SCAF4: variants seen among roughly 807,000 people sequenced by gnomAD.
The protein encoded by SCAF4 is SR-related CTD associated factor 4.
Under a neutral mutation model 129.8 loss-of-function variants are expected in SCAF4, and 25 were observed. The ratio of observed to expected loss-of-function variants is 0.19; its 90% confidence interval spans 0.14 to 0.27. SCAF4 has a LOEUF of 0.27. Ranked by LOEUF, SCAF4 falls within the 10% of genes least tolerant of loss-of-function variation. The pLI, the probability that SCAF4 is intolerant of heterozygous loss-of-function variation, is 1.00. For missense variants in SCAF4, 1,246 were observed against 1,457.1 expected (o/e 0.86, Z 2.36); for synonymous variants, 551 against 497.7 (o/e 1.11, Z -1.43).
At chr21:31,717,842 TAC>T (rs66498283) in intron 1 of SCAF4, among the ~76,000 whole-genome samples, 4,810 of 114,254 alleles carry the variant, frequency 0.042, 129 homozygotes, top group Middle Eastern at 0.085. Context: ...TATATATATA[TAC>T]ACACACACAC....
At chr21:31,708,185 C>T (rs936645889) in intron 1 of SCAF4, among the ~76,000 whole-genome samples, 1 of 151,878 alleles carries the variant, frequency 6.6e-6, no homozygotes, top group African/African-American at 2.4e-5. Context: ...GTCAGGAGTT[C>T]GAGACCAGCC....
chr21:31,671,325 T>C lies in SCAF4; in HGVS notation c.*74A>G. ...GGCTGCAGTACAGCGGGAGCGGATA[T>C]AATACAGCATCTGTACACCTCAAGC... is the stretch of plus-strand genomic sequence containing the variant. On this transcript the variant is annotated 3_prime_UTR_variant, in exon 20 of 20. Coordinates refer to ENST00000286835, the MANE Select transcript of SCAF4 (RefSeq NM_020706.2). 2 of 1,527,898 alleles carry C rather than the reference T, an allele frequency of 1.3e-6. No homozygotes were observed. Among genetic ancestry groups the C allele is most frequent in the South Asian group, 1.3e-5 (1 of 76,554 alleles). The allele number at this position is 1,527,898 out of a possible 1,614,324, so 94.6% of individuals were successfully genotyped here.
intron 1 of SCAF4, among the ~76,000 whole-genome samples, chr21:31,718,265 C>T (rs1026179272): frequency 6.6e-6 from 1 of 151,220 alleles, no homozygotes; most frequent in African/African-American, 2.4e-5. Flanking sequence ...TTCAACATCT[C>T]TTCATTAAAG....
Position 31,696,472 on chromosome 21 carries a change from T to A in SCAF4, c.959+97A>T, listed in dbSNP as rs1193582484. On this transcript the variant is annotated intron_variant, in intron 8 of 19. Transcript: ENST00000286835. ...ATACCACAAATTTTACAAAACAACT[T>A]CATAGAACATTGTTGTCATTGCTAA... 4 of 1,204,036 alleles carry A rather than the reference T, an allele frequency of 3.3e-6. No homozygotes were observed. The South Asian group carries it at 7.0e-5, about 21-fold the overall frequency. 74.6% of individuals were successfully genotyped at this position (1,204,036 alleles called of 1,614,324 possible). A position where few individuals can be genotyped will look rare whatever the true frequency, so the allele number is the denominator to read the frequency against.
Position 31,706,175 on chromosome 21 carries a change from G to A in SCAF4, c.114+99C>T, listed in dbSNP as rs12627190. On this transcript the variant is annotated intron_variant, in intron 2 of 19. Coordinates refer to ENST00000286835, the MANE Select transcript of SCAF4 (RefSeq NM_020706.2). ...AGGCTGGTTAGGGCTCTTTGATTTA[G>A]GCCTGAACTAATTCACAAGTTGACT... 1.5e-3 allele frequency: 1,152 copies of A among 776,022 alleles called. 16 individuals are homozygous for A. In the African/African-American group the frequency reaches 0.018, roughly 12 times the overall value. The allele number at this position is 776,022 out of a possible 1,614,324, so 48.1% of individuals were successfully genotyped here.
rs778108166 is a variant in SCAF4 at position 31,685,119 on chromosome 21, G to C, written c.2418C>G (p.Gly806=). The C allele has an allele frequency of 1.9e-6, 3 of 1,613,120 alleles. No individual in the cohort carries two copies. The South Asian group carries it at 3.3e-5, about 18-fold the overall frequency. The change falls in exon 19 of 20, where the codon GGC becomes GGG. Residue 806 remains glycine (G), a synonymous_variant. Coordinates refer to ENST00000286835, the MANE Select transcript of SCAF4 (RefSeq NM_020706.2). ...TGGGTGCAGCAGGTGGCACGGCAGA[G>C]CCATACATTTTCACGCTGTCACCAG... ...AESGDSVKMY[G]SAVPPAAPTN...
intron 1 of SCAF4, among the ~76,000 whole-genome samples, chr21:31,724,757 C>A (rs1404597986): frequency 2.6e-5 from 4 of 151,870 alleles, no homozygotes; most frequent in African/African-American, 9.7e-5. Context: ...ATTGTGTCAT[C>A]TCTCTAGTAG....
At chr21:31,730,799 T>C (rs1032228662) in intron 1 of SCAF4, among the ~76,000 whole-genome samples, 3 of 152,198 alleles carry the variant, frequency 2.0e-5, no homozygotes, top group African/African-American at 7.2e-5. Flanking sequence ...GAGAAACAAC[T>C]AGAGAACTTT....
chr21:31,724,233 ATAT>A (rs2123687756), intron 1 of SCAF4, among the ~76,000 whole-genome samples: 1 of 152,200 alleles, frequency 6.6e-6, no homozygotes, highest in African/African-American at 2.4e-5. Flanking sequence ...ATTACACTTA[ATAT>A]TAACACAGAA....
Position 31,671,490 on chromosome 21 carries a change from A to C in SCAF4, c.3353T>G (p.Val1118Gly). Residue 1118 changes from valine to glycine, a missense_variant, in exon 20 of 20, where the codon GTC becomes GGC. Val to Gly is a moderately radical substitution (Grantham distance 109, BLOSUM62 -3). Around this residue, in one of 6 missense-constraint regions of SCAF4, gnomAD observed 339 missense variants for 325.0 expected, o/e 1.04. Transcript: ENST00000286835. The stretch of plus-strand genomic sequence containing the variant: ...AGGTAACTCTTCAGAAGGCTTTAGG[A>C]CTGCAGCCTCAGACACCCCCTTCTC... The part of the protein sequence containing the change: ...ELEKGVSEAA[V>G]LKPSEELPAE... The C allele has an allele frequency of 6.2e-7, 1 of 1,614,122 alleles. No individual in the cohort carries two copies. The highest frequency in any genetic ancestry group is 8.5e-7 in the Non-Finnish European group (1 of 1,180,010).
At position 31,693,392 on chromosome 21, in the gene SCAF4, T is replaced by C. The variant is rs781765794; in HGVS notation, c.1415A>G (p.His472Arg). Residue 472 changes from histidine (H) to arginine (R), a missense_variant, in exon 12 of 20, where the codon CAT becomes CGT. This residue lies in a region of SCAF4 where 468 missense variants were observed against 605.5 expected (regional missense o/e 0.77). Transcript: ENST00000286835. ...TTCTTGAGATCGAGATCGGGGAGAA[T>C]GTCGGCGTCTATCCCTGGACCGAGA... is the stretch of plus-strand genomic sequence containing the variant. The part of the protein sequence containing the change: ...SRSRSRDRRR[H>R]SPRSRSQERR... 12 of 1,583,726 alleles carry C rather than the reference T, an allele frequency of 7.6e-6. No individual in the cohort carries two copies. Among genetic ancestry groups the C allele is most frequent in the Non-Finnish European group, 1.0e-5 (12 of 1,158,370 alleles).
intron 1 of SCAF4, among the ~76,000 whole-genome samples, chr21:31,713,241 T>C (rs976449287): frequency 1.3e-5 from 2 of 152,336 alleles, no homozygotes; most frequent in East Asian, 1.9e-4. Flanking sequence ...AAGATTTTGA[T>C]TGATTTTCCA....
rs536871578 is a variant in SCAF4, at chr21:31,687,910, C to T, written c.2043+397G>A. 2.6e-4 allele frequency among the ~76,000 whole-genome samples: 40 copies of T among 151,910 alleles called. 1 individual carries two copies. The highest frequency in any genetic ancestry group is 6.8e-3 in the Middle Eastern group (2 of 292). The stretch of plus-strand genomic sequence containing the variant: ...ATCACTTGAGGCCAGGAGTTTGATA[C>T]GAGCCTGGCCAGCATGGTGAAGCCC... On this transcript the variant is annotated intron_variant, in intron 16 of 19. Transcript: ENST00000286835.
Position 31,688,416 on chromosome 21 carries a change from C to T in SCAF4, c.1934G>A (p.Gly645Glu). The change falls in exon 16 of 20, where the codon GGA becomes GAA. Residue 645 changes from glycine to glutamate, a missense_variant. Physicochemically the swap from Gly to Glu is moderately conservative, Grantham distance 98. This residue lies in a region of SCAF4 where 468 missense variants were observed against 605.5 expected (regional missense o/e 0.77). Transcript: ENST00000286835. Reference sequence around the variant, plus strand: ...TTCTGTGTGTGAGGTTTCAGCACCTCCATTTTGAGCAACTTCATTTTCAGG... The same window carrying T: ...TTCTGTGTGTGAGGTTTCAGCACCTTCATTTTGAGCAACTTCATTTTCAGG... ...KKPENEVAQNGGAETSHTEPV... is the reference protein window; with the variant it reads ...KKPENEVAQNEGAETSHTEPV... 6.2e-7 allele frequency: 1 copy of T among 1,613,916 alleles called. No individual in the cohort carries two copies. Among genetic ancestry groups the T allele is most frequent in the Non-Finnish European group, 8.5e-7 (1 of 1,179,972 alleles).
intron 11 of SCAF4, among the ~76,000 whole-genome samples, chr21:31,693,949 ATG>A (rs1568838793): frequency 1.1e-4 from 17 of 152,134 alleles, no homozygotes; most frequent in Non-Finnish European, 2.4e-4. Context: ...CTGATTACCT[ATG>A]TATAGAATTA....
chr21:31,701,308 T>G, intron 6 of SCAF4, 137 bp from the exon 7 acceptor site: 1 of 655,232 alleles, frequency 1.5e-6, no homozygotes, highest in Non-Finnish European at 2.4e-6. Context: ...AATCCTTTTA[T>G]GAATGGTTAA....
intron 19 of SCAF4, among the ~76,000 whole-genome samples, chr21:31,678,989 CAT>C (rs1472636590): frequency 3.9e-5 from 6 of 152,256 alleles, no homozygotes; most frequent in Admixed American, 2.6e-4. Flanking sequence ...ATTTATTGAA[CAT>C]ATGAGTGAAT....
At position 31,731,864 on chromosome 21, in the gene SCAF4, C is replaced by A; in HGVS notation, c.-172G>T. 1 of 647,066 alleles carries A rather than the reference C, an allele frequency of 1.5e-6. No individual in the cohort carries two copies. The highest frequency in any genetic ancestry group is 2.4e-6 in the Non-Finnish European group (1 of 419,246). The allele number at this position is 647,066 out of a possible 1,614,324, so 40.1% of individuals were successfully genotyped here. On this transcript the variant is annotated 5_prime_UTR_variant, in exon 1 of 20. Coordinates refer to ENST00000286835, the MANE Select transcript of SCAF4 (RefSeq NM_020706.2). The stretch of plus-strand genomic sequence containing the variant: ...CGCCCGAAGCGGCGAGGCGGGCGGC[C>A]GAGGCAGAGGCGGAGAGGTGGCGGG...
intron 1 of SCAF4, among the ~76,000 whole-genome samples, chr21:31,728,464 T>C (rs2051262916): frequency 6.6e-6 from 1 of 152,214 alleles, no homozygotes; most frequent in African/African-American, 2.4e-5. Flanking sequence ...CCCCTCATAC[T>C]ATACAAAATA....
Sources: gnomAD v4.1 joint callset for allele counts (sites outside exome capture counted in the v4.1 genomes callset) on GRCh38, gnomAD v4.1.1 for gene constraint, gnomAD v4.1.1 regional missense constraint, MANE v1.5 for transcripts, NCBI Gene and HGNC (gene_info 2026-07-23, HGNC 2026-07-21) for gene names.